IPO7: variants seen among roughly 807,000 people sequenced by gnomAD.
IPO7 encodes the protein importin 7, also known as importin-7.
In IPO7, 13 loss-of-function variants were observed where a neutral mutation model predicts 136.4. The ratio of observed to expected loss-of-function variants is 0.10; its 90% CI spans 0.06 to 0.15. The LOEUF (loss-of-function observed/expected upper bound fraction) is 0.15. IPO7 is among the 10% of genes least tolerant of loss of function. The pLI is 1.00. For missense variants in IPO7, 857 were observed against 1,240.6 expected, an observed-to-expected ratio of 0.69 and a Z score of 4.65; for synonymous variants, 403 against 404.4, an observed-to-expected ratio of 1.00 and a Z score of 0.04.
At chr11:9,415,674 T>G (rs546296867) in intron 5 of IPO7, among the ~76,000 whole-genome samples, 38 of 151,986 alleles carry the variant, frequency 2.5e-4, no homozygotes, top group African/African-American at 8.7e-4. Context: ...CTGTCTCTAC[T>G]AAAAATACAA....
intron 1 of IPO7, among the ~76,000 whole-genome samples, chr11:9,386,502 A>G (rs1351130586): frequency 2.6e-5 from 4 of 152,194 alleles, no homozygotes; most frequent in African/African-American, 9.7e-5. Flanking sequence ...AGTCATGGTC[A>G]TTTCTACCAT....
chr11:9,392,163 G>C (rs1219096082), intron 1 of IPO7: 1 of 360,844 alleles, frequency 2.8e-6, no homozygotes, highest in Non-Finnish European at 5.2e-6. Flanking sequence ...ATTTGCCTTT[G>C]TCAAATTCTT....
rs1855366912 is a variant in IPO7 at position 9,436,286 on chromosome 11, G to A, written c.2188G>A (p.Ala730Thr). 2.5e-6 allele frequency: 4 copies of A among 1,612,990 alleles called. No homozygotes were observed. Among genetic ancestry groups the A allele is most frequent in the East Asian group, 4.5e-5 (2 of 44,866 alleles). ...TTTTGATCAGGTTCTTACAGGAGTTGCAGGAGAAGATGCAGAGTGTCATGC... is the reference window on the plus strand; with the variant it reads ...TTTTGATCAGGTTCTTACAGGAGTTACAGGAGAAGATGCAGAGTGTCATGC... ...SMCKKVLTGV[A>T]GEDAECHAAK... Residue 730 changes from alanine to threonine, a missense_variant, in exon 20 of 25, where the codon GCA becomes ACA. Physicochemically the swap from Ala to Thr is moderately conservative, Grantham distance 58 (BLOSUM62 0). This residue lies in a region of IPO7 where 190 missense variants were observed against 249.0 expected (regional missense o/e 0.76). Transcript: ENST00000379719.
chr11:9,403,482 A>C, intron 2 of IPO7, 111 bp downstream of exon 2: 1 of 730,176 alleles, frequency 1.4e-6, no homozygotes. Flanking sequence ...CCCCCCAGGT[A>C]ATTTGTTTAC....
In IPO7 at chr11:9,447,159, T is replaced by C. The variant is rs1179880576; in HGVS notation, c.*1965T>C. Reference sequence around the variant, plus strand: ...AGTCTACTTTTTAAATTTTCAGACTTCACTGCTTTTTGAATTCATAATTCT... The same window carrying C: ...AGTCTACTTTTTAAATTTTCAGACTCCACTGCTTTTTGAATTCATAATTCT... On this transcript the variant is annotated 3_prime_UTR_variant, in exon 25 of 25. Coordinates refer to ENST00000379719, the MANE Select transcript of IPO7 (RefSeq NM_006391.3). 2 of 152,234 alleles carry C rather than the reference T, an allele frequency of 1.3e-5. No homozygotes were observed. The allele number at this position is 152,234 out of a possible 1,614,324, so 9.4% of individuals were successfully genotyped here.
chr11:9,434,383 C>T (rs1855342272), intron 18 of IPO7, among the ~76,000 whole-genome samples: 1 of 152,118 alleles, frequency 6.6e-6, no homozygotes, highest in Admixed American at 6.5e-5. Flanking sequence ...CACACACCCC[C>T]TTGTAATCTT....
chr11:9,444,573 G>T (rs1855502343), intron 24 of IPO7, among the ~76,000 whole-genome samples: 1 of 151,630 alleles, frequency 6.6e-6, no homozygotes, highest in South Asian at 2.1e-4. Context: ...ATGTTGGCCA[G>T]GCTGGTCTCA....
Position 9,433,827 on chromosome 11 carries a change from T to C in IPO7, c.2055T>C (p.Asp685=), listed in dbSNP as rs4910052. The change falls in exon 18 of 25, where the codon GAT becomes GAC. Residue 685 remains aspartate (D), a synonymous_variant. Coordinates refer to ENST00000379719, the MANE Select transcript of IPO7 (RefSeq NM_006391.3). Reference sequence around the variant, plus strand: ...TTGTATTTGAAGTCTTTCAGCAAGATGGCTTTGATTACTTTACAGGTGAGT... The same window carrying C: ...TTGTATTTGAAGTCTTTCAGCAAGACGGCTTTGATTACTTTACAGGTGAGT... ...LPLVFEVFQQ[D]GFDYFTDMMP... 0.066 allele frequency: 106,563 copies of C among 1,610,730 alleles called. 4,074 individuals are homozygous for C. Among genetic ancestry groups the C allele is most frequent in the South Asian group, 0.082 (7,505 of 90,970 alleles).
intron 1 of IPO7, 160 bp from the exon 2 acceptor site, chr11:9,403,130 A>G (rs1854825759): frequency 1.5e-6 from 1 of 646,306 alleles, no homozygotes; most frequent in Admixed American, 2.9e-5. Context: ...CAAATTCCTT[A>G]AAGTTCAATA....
intron 10 of IPO7, 139 bp downstream of exon 10, chr11:9,424,015 G>T: frequency 6.0e-6 from 3 of 500,584 alleles, no homozygotes; most frequent in Non-Finnish European, 7.0e-6. Flanking sequence ...TCCTTTTTGG[G>T]GCTATTTATT....
At chr11:9,431,457 A>G (rs1258543395) in intron 16 of IPO7, among the ~76,000 whole-genome samples, 1 of 137,178 alleles carries the variant, frequency 7.3e-6, no homozygotes, top group Non-Finnish European at 1.6e-5. Context: ...TAAGAATTGT[A>G]ATAATGGATT....
At chr11:9,406,047 C>T (rs1854878254) in intron 2 of IPO7, among the ~76,000 whole-genome samples, 1 of 151,010 alleles carries the variant, frequency 6.6e-6, no homozygotes, top group South Asian at 2.1e-4. Flanking sequence ...TGTCACTACA[C>T]CCATCTAATT....
At chr11:9,428,985 A>AT (rs1565001496) in intron 13 of IPO7, 46 bp from the exon 14 acceptor site, 1 of 1,527,772 alleles carries the variant, frequency 6.5e-7, no homozygotes, top group Admixed American at 1.7e-5. Context: ...GCTTGGGGGA[A>AT]TTTAAGGTAA....
rs113132536 is a variant in IPO7 at position 9,398,166 on chromosome 11, A to C, written c.85-5124A>C. On this transcript the variant is annotated intron_variant, in intron 1 of 24. Coordinates refer to ENST00000379719, the MANE Select transcript of IPO7 (RefSeq NM_006391.3). The stretch of plus-strand genomic sequence containing the variant: ...CTCTACACTGCCCCTAGGCAATCAC[A>C]TCTTCCAAGGCATTTATTTCTTGGC... Among the ~76,000 whole-genome samples the C allele has an allele frequency of 2.5e-3, 383 of 152,326 alleles. 2 individuals carry two copies. The highest frequency in any genetic ancestry group is 0.01 in the Middle Eastern group (3 of 294).
intron 5 of IPO7, among the ~76,000 whole-genome samples, chr11:9,416,321 A>G (rs1339674860): frequency 1.3e-5 from 2 of 152,242 alleles, no homozygotes; most frequent in African/African-American, 4.8e-5. Context: ...CCTTAATGCC[A>G]TTCTATTGGA....
chr11:9,390,766 A>ATAGGGAGACCCAGGCAC (rs146167125), intron 1 of IPO7, among the ~76,000 whole-genome samples: 1 of 152,012 alleles, frequency 6.6e-6, no homozygotes, highest in African/African-American at 2.4e-5. Context: ...CCTGGGCAAC[A>ATAGGGAGACCCAGGCAC]TACAAAAAAA....
chr11:9,438,256 A>G lies in IPO7; in HGVS notation c.2666A>G (p.Asp889Gly). 1 of 1,583,710 alleles carries G rather than the reference A, an allele frequency of 6.3e-7. No individual in the cohort carries two copies. Among genetic ancestry groups the G allele is most frequent in the Non-Finnish European group, 8.7e-7 (1 of 1,153,544 alleles). Residue 889 changes from aspartate to glycine, a missense_variant, in exon 22 of 25, where the codon GAT (aspartate) becomes GGT (glycine). Asp to Gly is a moderately conservative substitution (Grantham distance 94). Around this residue, in one of 11 missense-constraint regions of IPO7, gnomAD observed 119 missense variants for 155.5 expected, o/e 0.77. Transcript: ENST00000379719. ...HAEHENDSDD[D>G]DEAEDDDETE... ...GAACATGAGAATGACAGTGATGATG[A>G]TGATGAAGCTGAAGATGATGATGAA...
At position 9,438,077 on chromosome 11, in the gene IPO7, T is replaced by C. The variant is rs749058724; in HGVS notation, c.2490-3T>C. On this transcript the variant is annotated splice_polypyrimidine_tract_variant and splice_region_variant and intron_variant, in intron 21 of 24. Coordinates refer to ENST00000379719, the MANE Select transcript of IPO7 (RefSeq NM_006391.3). ...TTTTTTTTTTTTTTTTTTTTTTTTT[T>C]AGGCTTCATGACAGAAAGATGTGTG... The C allele has an allele frequency of 2.5e-6, 3 of 1,201,300 alleles. No homozygotes were observed. The highest frequency in any genetic ancestry group is 2.5e-5 in the Admixed American group (1 of 40,358). The allele number at this position is 1,201,300 out of a possible 1,614,324, so 74.4% of individuals were successfully genotyped here. A position where few individuals can be genotyped will look rare whatever the true frequency, so the allele number is the denominator to read the frequency against.
At chr11:9,388,633 T>C (rs560940522) in intron 1 of IPO7, among the ~76,000 whole-genome samples, 34 of 151,930 alleles carry the variant, frequency 2.2e-4, no homozygotes, top group Admixed American at 2.0e-3. Context: ...GATGTGCCAC[T>C]ATGCCCAATT....
Sources: gnomAD v4.1 joint callset for allele counts (sites outside exome capture counted in the v4.1 genomes callset) on GRCh38, gnomAD v4.1.1 for gene constraint, gnomAD v4.1.1 regional missense constraint, MANE v1.5 for transcripts, NCBI Gene and HGNC (gene_info 2026-07-23, HGNC 2026-07-21) for gene names.